The following NFATC4 variants were observed in gnomAD, a reference collection of about 807,000 sequenced individuals.
NFATC4 encodes nuclear factor of activated T cells 4.
NFATC4 carries 25 observed loss-of-function variants against 73.4 expected under a neutral mutation model. That is an observed-to-expected ratio of 0.34 (90% CI 0.25 to 0.48). The LOEUF (loss-of-function observed/expected upper bound fraction) is 0.48, where lower values mean the gene tolerates loss of function less well. Among genes scored for constraint, NFATC4 ranks in the 20% least tolerant of loss-of-function variants. The pLI, the probability that NFATC4 is intolerant of heterozygous loss-of-function variation, is 0.99. For missense variants in NFATC4, 1,130 were observed against 1,203.7 expected (o/e 0.94, Z 0.91); for synonymous variants, 523 against 510.3 (o/e 1.02, Z -0.34).
rs2139272096 is a variant in NFATC4 at position 24,368,356 on chromosome 14, TGC to T, written c.18_19del (p.Cys6Ter). 1 of 1,380,622 alleles carries T rather than the reference TGC, an allele frequency of 7.2e-7. No individual in the cohort carries two copies. The highest frequency in any genetic ancestry group is 9.4e-7 in the Non-Finnish European group (1 of 1,068,492). 85.5% of individuals were successfully genotyped at this position (1,380,622 alleles called of 1,614,324 possible). On this transcript the variant is annotated frameshift_variant, in exon 1 of 10. Coordinates refer to ENST00000250373, the MANE Select transcript of NFATC4 (RefSeq NM_004554.5). LOFTEE classifies it high-confidence loss of function. ...TGCCGGATCCATGGGGGCGGCCAGC[TGC>T]GAGGATGAGGAGCTGGAATTTAAGC... MGAASCEDEELEFKLV... is the reference protein window; with the variant it reads MGAASXEDEELEFKLV...
chr14:24,370,193 A>C lies in NFATC4; in HGVS notation c.795A>C (p.Pro265=). Residue 265 remains proline (P), a synonymous_variant, in exon 2 of 10, where the codon CCA becomes CCC. Transcript: ENST00000250373. ...CAGCCTCCCCGCGGCCTGCCTCTCC[A>C]TGTGGCAAGCGGCGCTATTCCAGCT... ...PTPASPRPAS[P]CGKRRYSSSG... 6.2e-7 allele frequency: 1 copy of C among 1,607,746 alleles called. No individual in the cohort carries two copies. The highest frequency in any genetic ancestry group is 1.3e-5 in the African/African-American group (1 of 75,012).
chr14:24,372,319 T>C (rs1389071438), intron 2 of NFATC4, 122 bp from the exon 3 acceptor site: 2 of 1,057,500 alleles, frequency 1.9e-6, no homozygotes, highest in Non-Finnish European at 2.7e-6. Flanking sequence ...TTAATGTACT[T>C]CTTTATTTCT....
chr14:24,372,638 C>A (rs1292309711), intron 3 of NFATC4, 35 bp downstream of exon 3: 1 of 1,612,702 alleles, frequency 6.2e-7, no homozygotes, highest in East Asian at 2.2e-5. Context: ...TATCCTCTCT[C>A]CTCTCCCAGA....
chr14:24,376,955 G>A lies in NFATC4; in HGVS notation c.2641+77G>A. 7.0e-7 allele frequency: 1 copy of A among 1,431,874 alleles called. No homozygotes were observed. The highest frequency in any genetic ancestry group is 9.1e-7 in the Non-Finnish European group (1 of 1,094,538). 88.7% of individuals were successfully genotyped at this position (1,431,874 alleles called of 1,614,324 possible). On this transcript the variant is annotated intron_variant, in intron 9 of 9. Transcript: ENST00000250373. The surrounding 1 kb of genome is among the most constrained non-coding windows in gnomAD (Gnocchi z 5.0). ...TGCATGTTTGCTGAGGGCTGGAGCT[G>A]GGCTTTTCAGAGATCGGGCATCCCT...
chr14:24,367,067 C>A, upstream of NFATC4: 1 of 1,613,842 alleles, frequency 6.2e-7, no homozygotes, highest in Non-Finnish European at 8.5e-7. Context: ...GATAACCACC[C>A]TCCCATCTCT....
intron 7 of NFATC4, 53 bp from the exon 8 acceptor site, chr14:24,375,922 G>A: frequency 1.9e-6 from 3 of 1,611,486 alleles, no homozygotes; most frequent in Non-Finnish European, 2.5e-6. Flanking sequence ...TGGAAAGGCT[G>A]GGCTAAGCCC....
At chr14:24,367,254 G>A (rs780721423), upstream of NFATC4, 2 of 1,606,862 alleles carry the variant, frequency 1.2e-6, no homozygotes, top group Non-Finnish European at 1.7e-6. Context: ...GGGGGCCAAG[G>A]AGGGGGAAGA....
chr14:24,369,450 T>G, intron 1 of NFATC4, 49 bp from the exon 2 acceptor site: 1 of 1,611,764 alleles, frequency 6.2e-7, no homozygotes, highest in Non-Finnish European at 8.5e-7. Context: ...CCATCTCACC[T>G]GCTTCTCTCT....
intron 1 of NFATC4, chr14:24,369,242 C>T: frequency 1.3e-6 from 2 of 1,537,292 alleles, no homozygotes; most frequent in African/African-American, 1.4e-5. Flanking sequence ...ACCCACCTCT[C>T]TCACCTTAAG....
chr14:24,372,692 C>G, intron 3 of NFATC4, 89 bp downstream of exon 3: 1 of 1,528,058 alleles, frequency 6.5e-7, no homozygotes, highest in East Asian at 2.3e-5. Context: ...CTTTCCCACA[C>G]TCCCTCTCAG....
chr14:24,373,719 G>A lies in NFATC4; in HGVS notation c.1584G>A (p.Lys528=), dbSNP rs757665853. 1 of 1,612,156 alleles carries A rather than the reference G, an allele frequency of 6.2e-7. No homozygotes were observed. Among genetic ancestry groups the A allele is most frequent in the South Asian group, 1.1e-5 (1 of 90,942 alleles). ...GCATTGACTGCGCGGGAATCCTGAA[G>A]CTTCGGAATTCAGACATTGAGCTTC... ...AANIDCAGIL[K]LRNSDIELRK... Residue 528 remains lysine (K), a synonymous_variant, in exon 5 of 10, where the codon AAG becomes AAA. Transcript: ENST00000250373. This position sits in a 1 kb window ranked among gnomAD's most constrained non-coding sequence, Gnocchi z 4.7.
rs2042637024 is a variant in NFATC4 at position 24,376,817 on chromosome 14, G to A, written c.2580G>A (p.Arg860=). The A allele has an allele frequency of 6.2e-7, 1 of 1,605,116 alleles. No individual in the cohort carries two copies. The highest frequency in any genetic ancestry group is 1.3e-5 in the African/African-American group (1 of 74,354). ...GEGAPEQEKS[R]GGYSSGFRDS... Reference sequence around the variant, plus strand: ...GGGCTCCGGAGCAGGAGAAATCCAGGGGTGGCTACAGCAGCGGCTTCCGAG... The same window carrying A: ...GGGCTCCGGAGCAGGAGAAATCCAGAGGTGGCTACAGCAGCGGCTTCCGAG... Residue 860 remains arginine, a synonymous_variant, in exon 9 of 10, where the codon AGG becomes AGA. Coordinates refer to ENST00000250373, the MANE Select transcript of NFATC4 (RefSeq NM_004554.5). This position sits in a 1 kb window ranked among gnomAD's most constrained non-coding sequence, Gnocchi z 5.0.
At position 24,373,082 on chromosome 14, in the gene NFATC4, C is replaced by T. The variant is rs575444352; in HGVS notation, c.1360-89C>T. On this transcript the variant is annotated intron_variant, in intron 3 of 9. Transcript: ENST00000250373. The surrounding 1 kb of genome is among the most constrained non-coding windows in gnomAD (Gnocchi z 4.7). Reference sequence around the variant, plus strand: ...GGATATCCTTTATCTTTCACCATTCCCATCCCATGGTAGACTGAAAATCTA... The same window carrying T: ...GGATATCCTTTATCTTTCACCATTCTCATCCCATGGTAGACTGAAAATCTA... 7.6e-7 allele frequency: 1 copy of T among 1,317,944 alleles called. No homozygotes were observed. The highest frequency in any genetic ancestry group is 1.1e-6 in the Non-Finnish European group (1 of 941,276). The allele number at this position is 1,317,944 out of a possible 1,614,324, so 81.6% of individuals were successfully genotyped here. A position where few individuals can be genotyped will look rare whatever the true frequency, so the allele number is the denominator to read the frequency against.
At chr14:24,369,090 G>A (rs945566168) in intron 1 of NFATC4, 15 of 1,414,564 alleles carry the variant, frequency 1.1e-5, no homozygotes, top group Middle Eastern at 2.6e-4. Context: ...CCACGGTTGC[G>A]ATGGCAACTG....
At position 24,379,066 on chromosome 14, in the gene NFATC4, C is replaced by G. The variant is rs370029708; in HGVS notation, c.*1361C>G. 7.9e-5 allele frequency: 12 copies of G among 152,356 alleles called. No individual in the cohort carries two copies. The highest frequency in any genetic ancestry group is 2.6e-4 in the African/African-American group (11 of 41,556). The allele number at this position is 152,356 out of a possible 1,614,324, so 9.4% of individuals were successfully genotyped here. Reference sequence around the variant, plus strand: ...TCACCTTCAGGCTTGTGGGGCCTCTCTATGCCCAATGAGTCCAGGCAGTCC... The same window carrying G: ...TCACCTTCAGGCTTGTGGGGCCTCTGTATGCCCAATGAGTCCAGGCAGTCC... On this transcript the variant is annotated 3_prime_UTR_variant, in exon 10 of 10. Transcript: ENST00000250373.
intron 5 of NFATC4, 92 bp from the exon 6 acceptor site, chr14:24,374,234 C>T (rs1407607959): frequency 6.8e-7 from 1 of 1,476,644 alleles, no homozygotes; most frequent in Non-Finnish European, 9.1e-7. Context: ...CCCTCAGAGC[C>T]CTGTGGCAGT....
At position 24,369,712 on chromosome 14, in the gene NFATC4, C is replaced by T. The variant is rs1381885326; in HGVS notation, c.314C>T (p.Ala105Val). 3 of 1,610,614 alleles carry T rather than the reference C, an allele frequency of 1.9e-6. No individual in the cohort carries two copies. Among genetic ancestry groups the T allele is most frequent in the Non-Finnish European group, 2.5e-6 (3 of 1,178,152 alleles). Reference protein sequence around the residue: ...LGGPGGGAGGAGGGRVLECPS... With the variant: ...LGGPGGGAGGVGGGRVLECPS... ...GGACCAGGAGGGGGTGCTGGGGGTG[C>T]TGGGGGTGGCCGTGTTCTCGAGTGT... Residue 105 changes from alanine to valine, a missense_variant, in exon 2 of 10, where the codon GCT becomes GTT. Ala to Val is a moderately conservative substitution (Grantham distance 64). This residue lies in a region of NFATC4 where 585 missense variants were observed against 574.3 expected (regional missense o/e 1.02). Transcript: ENST00000250373.
intron 5 of NFATC4, 144 bp downstream of exon 5, chr14:24,374,011 T>A (rs1196582216): frequency 4.0e-6 from 5 of 1,245,910 alleles, no homozygotes; most frequent in Admixed American, 4.0e-5. Flanking sequence ...TTCTTTCTAT[T>A]CTAGTTTGCC....
chr14:24,375,833 C>A, intron 7 of NFATC4, 118 bp downstream of exon 7: 1 of 1,535,598 alleles, frequency 6.5e-7, no homozygotes, highest in Non-Finnish European at 9.0e-7. Flanking sequence ...ACTGGCCATT[C>A]TGTAAGCAGG....
Sources: allele counts gnomAD v4.1 joint callset, GRCh38; gene constraint gnomAD v4.1.1; regional missense constraint gnomAD v4.1.1; non-coding constraint Gnocchi (gnomAD v3.1); transcripts MANE v1.5; gene names NCBI Gene and HGNC (gene_info 2026-07-23, HGNC 2026-07-21).